CSMD1: variants seen among roughly 807,000 people sequenced by gnomAD.
CSMD1 encodes the protein CUB and sushi domain-containing protein 1.
Under a neutral mutation model 417.5 loss-of-function variants are expected in CSMD1, and 213 were observed. The ratio of observed to expected loss-of-function variants is 0.51; its 90% confidence interval spans 0.46 to 0.57. The LOEUF (loss-of-function observed/expected upper bound fraction) is 0.57. Among genes scored for constraint, CSMD1 ranks in the 20% least tolerant of loss-of-function variants. The probability of loss-of-function intolerance (pLI) is 0.00; values close to 1 mark genes in which losing one functional copy is unlikely to be tolerated. For synonymous variants in CSMD1, 2,862 were observed against 1,736.8 expected (o/e 1.65, Z -16.11); for missense variants, 6,923 against 4,529.7 (o/e 1.53, Z -15.17).
intron 1 of CSMD1, among the ~76,000 whole-genome samples, chr8:4,900,946 C>A (rs890065336): frequency 6.6e-6 from 1 of 152,186 alleles, no homozygotes; most frequent in Non-Finnish European, 1.5e-5. Flanking sequence ...CAGCACAGTG[C>A]GGCCACATGG....
At chr8:4,793,720 A>T (rs538988144) in intron 1 of CSMD1, among the ~76,000 whole-genome samples, 1 of 152,066 alleles carries the variant, frequency 6.6e-6, no homozygotes, top group South Asian at 2.1e-4. Context: ...ATCTTCTTTT[A>T]CAGGGGAAAT....
chr8:3,917,855 T>G (rs1256510460), intron 5 of CSMD1, among the ~76,000 whole-genome samples: 1 of 152,152 alleles, frequency 6.6e-6, no homozygotes, highest in Non-Finnish European at 1.5e-5. Flanking sequence ...TCTACATGCT[T>G]AGAAATTTTA....
intron 3 of CSMD1, among the ~76,000 whole-genome samples, chr8:4,407,332 A>G (rs942542305): frequency 3.9e-5 from 6 of 152,204 alleles, no homozygotes; most frequent in East Asian, 3.8e-4. Flanking sequence ...AAATGAAAAC[A>G]TATACAATAA....
chr8:4,634,236 A>AT (rs1244684122), intron 2 of CSMD1, among the ~76,000 whole-genome samples: 2 of 152,124 alleles, frequency 1.3e-5, no homozygotes, highest in Non-Finnish European at 2.9e-5. Context: ...GGATATATTA[A>AT]TTTTTTAACT....
intron 5 of CSMD1, among the ~76,000 whole-genome samples, chr8:3,904,896 C>T (rs1452613684): frequency 6.6e-6 from 1 of 152,130 alleles, no homozygotes; most frequent in Non-Finnish European, 1.5e-5. Flanking sequence ...TTCCGCCTCC[C>T]AAAGGGCTGA....
chr8:3,750,287 G>C (rs927031750), intron 6 of CSMD1, among the ~76,000 whole-genome samples: 1 of 150,710 alleles, frequency 6.6e-6, no homozygotes, highest in African/African-American at 2.4e-5. Flanking sequence ...AAAAATGTAT[G>C]TTCTTTTTAA....
chr8:3,865,966 G>A (rs1805070719), intron 5 of CSMD1, among the ~76,000 whole-genome samples: 1 of 152,072 alleles, frequency 6.6e-6, no homozygotes, highest in Non-Finnish European at 1.5e-5. Flanking sequence ...TTAAAATAAT[G>A]AAAAGTGAAA....
Position 3,644,966 on chromosome 8 carries a change from G to GAAAAAAAAAAAAAAAAAAAA in CSMD1, c.1010-28189_1010-28170dup, listed in dbSNP as rs71203456. Among the ~76,000 whole-genome samples, 3 of 64,542 alleles carry GAAAAAAAAAAAAAAAAAAAA rather than the reference G, an allele frequency of 4.6e-5. 1 individual carries two copies. Among genetic ancestry groups the GAAAAAAAAAAAAAAAAAAAA allele is most frequent in the African/African-American group, 2.4e-4 (3 of 12,492 alleles). 42.3% of individuals were successfully genotyped at this position (64,542 alleles called of 152,430 possible). ...GTTACGGATCACTAAGGCTTTAAAT[G>GAAAAAAAAAAAAAAAAAAAA]AAAAAAAAAAAAAAAAAAAAAAAAA... On this transcript the variant is annotated intron_variant, in intron 7 of 69. Transcript: ENST00000635120.
At chr8:4,517,866 G>T (rs1803209546) in intron 2 of CSMD1, among the ~76,000 whole-genome samples, 2 of 152,270 alleles carry the variant, frequency 1.3e-5, no homozygotes, top group South Asian at 4.2e-4. Flanking sequence ...CACGTATTTT[G>T]TAGTTGATAA....
chr8:4,363,371 T>A (rs1411479752), intron 3 of CSMD1, among the ~76,000 whole-genome samples: 2 of 152,178 alleles, frequency 1.3e-5, no homozygotes, highest in Non-Finnish European at 2.9e-5. Context: ...TGCATGTGCG[T>A]GCATGCTTTA....
intron 6 of CSMD1, among the ~76,000 whole-genome samples, chr8:3,747,970 C>T (rs1797142008): frequency 1.3e-5 from 2 of 152,062 alleles, no homozygotes; most frequent in South Asian, 4.1e-4. Context: ...GTCTAGAAGT[C>T]CACCATGGTT....
At chr8:4,957,503 C>A (rs1212946494) in intron 1 of CSMD1, among the ~76,000 whole-genome samples, 49 of 152,138 alleles carry the variant, frequency 3.2e-4, no homozygotes, top group Admixed American at 3.2e-3. Flanking sequence ...GTAGAAATAA[C>A]TACTTCTTAT....
chr8:3,563,147 G>A (rs1381676578), intron 10 of CSMD1, among the ~76,000 whole-genome samples: 1 of 151,710 alleles, frequency 6.6e-6, no homozygotes, highest in Non-Finnish European at 1.5e-5. Flanking sequence ...CTATTTCATT[G>A]TCCTAATGTA....
intron 3 of CSMD1, among the ~76,000 whole-genome samples, chr8:4,198,058 G>A (rs756507436): frequency 1.1e-4 from 16 of 152,220 alleles, no homozygotes; most frequent in South Asian, 6.2e-4. Flanking sequence ...TATGCTCAGC[G>A]ATTATCAAAG....
At chr8:3,383,763 G>A (rs948941686) in intron 18 of CSMD1, among the ~76,000 whole-genome samples, 1 of 152,012 alleles carries the variant, frequency 6.6e-6, no homozygotes, top group Non-Finnish European at 1.5e-5. Context: ...AGAAAGAGAT[G>A]CTTTATAAGA....
chr8:3,110,225 C>A lies in CSMD1; in HGVS notation c.6541G>T (p.Gly2181Trp), dbSNP rs189578990. 2.5e-6 allele frequency: 4 copies of A among 1,613,148 alleles called. No individual in the cohort carries two copies. Among genetic ancestry groups the A allele is most frequent in the Non-Finnish European group, 3.4e-6 (4 of 1,179,554 alleles). ...DCIWLITVPPGHGVYINFTLL... is the reference protein window; with the variant it reads ...DCIWLITVPPWHGVYINFTLL... ...GTGAAGTTGATGTAAACTCCGTGCC[C>A]TGGAGGCACCGTGATGAGCCAAATG... The change falls in exon 43 of 70, where the codon GGG (glycine) becomes TGG (tryptophan). Residue 2181 changes from glycine to tryptophan, a missense_variant. By Grantham distance (184) the Gly-to-Trp change is radical. Coordinates refer to ENST00000635120, the MANE Select transcript of CSMD1 (RefSeq NM_033225.6).
intron 1 of CSMD1, among the ~76,000 whole-genome samples, chr8:4,934,449 T>C (rs547826893): frequency 2.6e-5 from 4 of 152,294 alleles, no homozygotes; most frequent in South Asian, 4.1e-4. Flanking sequence ...AACCTCTAGC[T>C]TGTATTCACA....
intron 3 of CSMD1, among the ~76,000 whole-genome samples, chr8:4,100,798 A>C (rs2130877576): frequency 6.6e-6 from 1 of 152,332 alleles, no homozygotes; most frequent in African/African-American, 2.4e-5. Flanking sequence ...ATGGTGCCAA[A>C]AAATAAAAAG....
At chr8:3,886,883 A>G (rs928305640) in intron 5 of CSMD1, among the ~76,000 whole-genome samples, 1 of 152,210 alleles carries the variant, frequency 6.6e-6, no homozygotes, top group Non-Finnish European at 1.5e-5. Context: ...TGGCTCTCGC[A>G]TGGTAATGAT....
Sources: allele counts gnomAD v4.1 joint callset (sites outside exome capture counted in the v4.1 genomes callset), GRCh38; gene constraint gnomAD v4.1.1; transcripts MANE v1.5; gene names NCBI Gene and HGNC (gene_info 2026-07-23, HGNC 2026-07-21).